MYO1H: variants seen among roughly 807,000 people sequenced by gnomAD.
MYO1H encodes the protein unconventional myosin-Ih.
Under a neutral mutation model 149.3 loss-of-function variants are expected in MYO1H, and 118 were observed. The ratio of observed to expected loss-of-function variants is 0.79; its 90% CI spans 0.68 to 0.92. The LOEUF is 0.92. Among genes scored for constraint, MYO1H ranks in the 40% least tolerant of loss-of-function variants. The probability of loss-of-function intolerance (pLI) is 0.00; values close to 1 mark genes in which losing one functional copy is unlikely to be tolerated. For synonymous variants in MYO1H, 447 were observed against 465.2 expected (o/e 0.96, Z 0.50); for missense variants, 1,212 against 1,280.7 (o/e 0.95, Z 0.82).
the MYO1H span, among the ~76,000 whole-genome samples, chr12:109,311,873 G>C: frequency 6.6e-6 from 1 of 152,172 alleles, no homozygotes; most frequent in Non-Finnish European, 1.5e-5. Context: ...GAAAGAAAAA[G>C]CAATAGGTAT....
chr12:109,346,512 G>C (rs2048103016), upstream of MYO1H, among the ~76,000 whole-genome samples: 1 of 152,244 alleles, frequency 6.6e-6, no homozygotes, highest in Admixed American at 6.5e-5. Context: ...TGTAATTCCA[G>C]CACTTTGGGA....
At chr12:109,407,719 G>T in intron 9 of MYO1H, 75 bp from the exon 10 acceptor site, 1 of 1,413,794 alleles carries the variant, frequency 7.1e-7, no homozygotes, top group Non-Finnish European at 9.4e-7. Flanking sequence ...TTTTTTTTAA[G>T]AAAAAAGACT....
Position 109,431,581 on chromosome 12 carries a change from G to A in MYO1H, c.1950-1316G>A, listed in dbSNP as rs191750828. Among the ~76,000 whole-genome samples, 351 of 152,254 alleles carry A rather than the reference G, an allele frequency of 2.3e-3. 6 individuals carry two copies. The highest frequency in any genetic ancestry group is 8.2e-3 in the African/African-American group (340 of 41,550). Reference sequence around the variant, plus strand: ...TGAGGCAGCGACTCCTCCCGCTCCGGAGCTGGGCTGGAACCCAGGCATTCT... The same window carrying A: ...TGAGGCAGCGACTCCTCCCGCTCCGAAGCTGGGCTGGAACCCAGGCATTCT... On this transcript the variant is annotated intron_variant, in intron 19 of 31. Transcript: ENST00000310903.
intron 6 of MYO1H, among the ~76,000 whole-genome samples, chr12:109,403,091 G>T (rs1870233167): frequency 6.6e-6 from 1 of 152,182 alleles, no homozygotes; most frequent in South Asian, 2.1e-4. Flanking sequence ...CAAACCAACA[G>T]GTTTTGGAGA....
chr12:109,328,820 G>A, the MYO1H span, among the ~76,000 whole-genome samples: 4 of 152,090 alleles, frequency 2.6e-5, no homozygotes, highest in Non-Finnish European at 4.4e-5. Context: ...TATGTTTAAG[G>A]TGTACAATGT....
intron 5 of MYO1H, among the ~76,000 whole-genome samples, chr12:109,400,836 G>A (rs1354991926): frequency 2.6e-5 from 4 of 152,076 alleles, no homozygotes; most frequent in Non-Finnish European, 4.4e-5. Flanking sequence ...AATAGTGAGG[G>A]ATCATTATCC....
chr12:109,365,607 A>G (rs1391588731), intron 1 of MYO1H, among the ~76,000 whole-genome samples: 1 of 152,144 alleles, frequency 6.6e-6, no homozygotes, highest in African/African-American at 2.4e-5. Context: ...TTCCTTGCTT[A>G]CCATCTGTGG....
At chr12:109,427,397 C>A in intron 18 of MYO1H, 72 bp from the exon 19 acceptor site, 3 of 964,636 alleles carry the variant, frequency 3.1e-6, no homozygotes, top group Non-Finnish European at 5.0e-6. Flanking sequence ...CAGCTTGCAG[C>A]CTGTGATCTG....
At chr12:109,399,797 C>A (rs971933899) in intron 5 of MYO1H, among the ~76,000 whole-genome samples, 1 of 151,994 alleles carries the variant, frequency 6.6e-6, no homozygotes, top group African/African-American at 2.4e-5. Flanking sequence ...TGCCTATAGT[C>A]CCAGTTACTT....
intron 10 of MYO1H, among the ~76,000 whole-genome samples, chr12:109,409,246 CTTTTTTTTTTTTTTT>C (rs66507410): frequency 1.9e-4 from 9 of 47,840 alleles, no homozygotes; most frequent in Admixed American, 1.6e-3. Context: ...TCTTCTTCTT[CTTTTTTTTTTTTTTT>C]TTTTTTTTTT....
Position 109,360,117 on chromosome 12 carries a change from C to CTT in MYO1H, c.12+12156_12+12157dup, listed in dbSNP as rs574102302. On this transcript the variant is annotated intron_variant, in intron 1 of 31. Transcript: ENST00000310903. ...CCCTTCTTTTTTCTTTTTCTTCTTTCTTTTTTTTTTTTATTTCCTGGATGT... is the reference window on the plus strand; with the variant it reads ...CCCTTCTTTTTTCTTTTTCTTCTTTCTTTTTTTTTTTTTTATTTCCTGGATGT... Among the ~76,000 whole-genome samples, 158 of 136,182 alleles carry CTT rather than the reference C, an allele frequency of 1.2e-3. 1 individual carries two copies. Among genetic ancestry groups the CTT allele is most frequent in the African/African-American group, 3.2e-3 (120 of 37,404 alleles). 89.3% of individuals were successfully genotyped at this position (136,182 alleles called of 152,430 possible).
chr12:109,361,386 A>C (rs1251510629), intron 1 of MYO1H, among the ~76,000 whole-genome samples: 1 of 152,162 alleles, frequency 6.6e-6, no homozygotes, highest in Non-Finnish European at 1.5e-5. Flanking sequence ...CTCGTTTTTG[A>C]GTCATTTGCT....
Position 109,406,918 on chromosome 12 carries a change from G to A in MYO1H, c.1035+58G>A, listed in dbSNP as rs372843104. The A allele has an allele frequency of 5.6e-4, 834 of 1,496,490 alleles. 17 individuals carry two copies. In the South Asian group the frequency reaches 8.8e-3, roughly 16 times the overall value. 92.7% of individuals were successfully genotyped at this position (1,496,490 alleles called of 1,614,324 possible). ...CCTCCCTGCTGCTGCTGCCTCCCTC[G>A]ATAACAGCAGGGTGGTGGCCTCAGG... On this transcript the variant is annotated intron_variant, in intron 9 of 31. Coordinates refer to ENST00000310903, the Ensembl canonical transcript of MYO1H.
intron 31 of MYO1H, 196 bp downstream of exon 31, chr12:109,445,808 G>A (rs557738117): frequency 1.7e-5 from 17 of 985,090 alleles, no homozygotes; most frequent in African/African-American, 5.2e-5. Flanking sequence ...CACTGAATGA[G>A]AAAAGAAAAA....
the MYO1H span, among the ~76,000 whole-genome samples, chr12:109,335,263 G>A: frequency 6.6e-6 from 1 of 152,144 alleles, no homozygotes; most frequent in East Asian, 1.9e-4. Flanking sequence ...TACAGTCATG[G>A]CAGAAGGCAA....
the MYO1H span, among the ~76,000 whole-genome samples, chr12:109,316,729 A>G: frequency 6.6e-6 from 1 of 152,170 alleles, no homozygotes; most frequent in Non-Finnish European, 1.5e-5. Flanking sequence ...TGTAACGGAC[A>G]AAAAGACCCC....
chr12:109,439,745 T>C (rs1439840445), exon 24 of MYO1H: 2 of 1,613,856 alleles, frequency 1.2e-6, no homozygotes, highest in African/African-American at 1.3e-5. Flanking sequence ...TTCCAAAGAC[T>C]GTCCTGGACA....
intron 1 of MYO1H, among the ~76,000 whole-genome samples, chr12:109,370,356 A>G (rs1448085559): frequency 1.3e-5 from 2 of 152,172 alleles, no homozygotes; most frequent in East Asian, 1.9e-4. Context: ...TGTCATCTCT[A>G]TCATGCCAAG....
chr12:109,318,975 T>TTTTTTTTTTTTG, the MYO1H span, among the ~76,000 whole-genome samples: 1 of 99,600 alleles, frequency 1.0e-5, no homozygotes, highest in African/African-American at 4.0e-5. Flanking sequence ...TGGTTTTGTT[T>TTTTTTTTTTTTG]TTTTTTTTTT....
Sources: allele counts gnomAD v4.1 joint callset (sites outside exome capture counted in the v4.1 genomes callset), GRCh38; gene constraint gnomAD v4.1.1; transcripts MANE v1.5; gene names NCBI Gene and HGNC (gene_info 2026-07-23, HGNC 2026-07-21).